Variants in RASGRP2 observed in about 807,000 individuals in gnomAD.
The protein encoded by RASGRP2 is RAS guanyl releasing protein 2, also known as RAS guanyl-releasing protein 2.
Under a neutral mutation model 71.0 loss-of-function variants are expected in RASGRP2, and 44 were observed. The ratio of observed to expected loss-of-function variants is 0.62; its 90% CI spans 0.49 to 0.80. RASGRP2 has a LOEUF of 0.80. Among genes scored for constraint, RASGRP2 ranks in the 30% least tolerant of loss-of-function variants. The probability of loss-of-function intolerance (pLI) is 0.00; values close to 1 mark genes in which losing one functional copy is unlikely to be tolerated. For missense variants in RASGRP2, 663 were observed against 813.4 expected (o/e 0.82, Z 2.25); for synonymous variants, 350 against 330.7 (o/e 1.06, Z -0.63).
Position 64,736,857 on chromosome 11 carries a change from C to T in RASGRP2, c.991G>A (p.Gly331Arg), listed in dbSNP as rs141060165. The part of the protein sequence containing the change: ...WLDPARTRLN[G>R]AKMKQLFSIL... ...CTAAAGAGCTGCTTCATCTTGGCCC[C>T]GTTGAGCCGGGTCCGGGCTGGGTCC... The change falls in exon 9 of 17, where the codon GGG becomes AGG. Residue 331 changes from glycine (G) to arginine (R), a missense_variant. Transcript: ENST00000394432. 371 of 1,613,632 alleles carry T rather than the reference C, an allele frequency of 2.3e-4. No homozygotes were observed. Among genetic ancestry groups the T allele is most frequent in the Admixed American group, 1.1e-3 (66 of 60,012 alleles).
At chr11:64,730,309 T>C in intron 12 of RASGRP2, 115 bp from the exon 13 acceptor site, 2 of 1,347,764 alleles carry the variant, frequency 1.5e-6, no homozygotes, top group South Asian at 2.6e-5. Context: ...TTTGGACTCC[T>C]GTTGCAGAGT....
Position 64,728,914 on chromosome 11 carries a change from C to A in RASGRP2, c.1720G>T (p.Ala574Ser). ...GGGCGGGGCAGAGAGAAGCTGAAGG[C>A]GCGGTGATGGTGGCTGTGCATGGGT... ...PSPMHSHHHR[A>S]FSFSLPRPGR... The change falls in exon 15 of 17, where the codon GCC (alanine) becomes TCC (serine). Residue 574 changes from alanine to serine, a missense_variant. By Grantham distance (99) the Ala-to-Ser change is moderately conservative (BLOSUM62 1). Coordinates refer to ENST00000394432, the MANE Select transcript of RASGRP2 (RefSeq NM_001098671.2). 1 of 1,613,126 alleles carries A rather than the reference C, an allele frequency of 6.2e-7. No individual in the cohort carries two copies. Among genetic ancestry groups the A allele is most frequent in the Non-Finnish European group, 8.5e-7 (1 of 1,179,980 alleles).
Position 64,744,031 on chromosome 11 carries a change from C to T in RASGRP2, c.-100G>A, listed in dbSNP as rs2058230032. ...GCTCGTCCACCCCAGAATGCAAACC[C>T]GCGGACGAGGTCGCCTCCTGGACGT... On this transcript the variant is annotated 5_prime_UTR_variant, in exon 1 of 17. Transcript: ENST00000394432. 2 of 988,046 alleles carry T rather than the reference C, an allele frequency of 2.0e-6. No individual in the cohort carries two copies. Among genetic ancestry groups the T allele is most frequent in the Non-Finnish European group, 1.2e-6 (1 of 830,904 alleles). 61.2% of individuals were successfully genotyped at this position (988,046 alleles called of 1,614,324 possible).
At chr11:64,731,022 G>T (rs2057748608) in intron 12 of RASGRP2, among the ~76,000 whole-genome samples, 1 of 152,142 alleles carries the variant, frequency 6.6e-6, no homozygotes, top group African/African-American at 2.4e-5. Context: ...GATCCAGGTG[G>T]TCCATCAAAT....
At position 64,739,406 on chromosome 11, in the gene RASGRP2, G is replaced by C. The variant is rs369137458; in HGVS notation, c.767C>G (p.Ser256Cys). The C allele has an allele frequency of 2.1e-5, 34 of 1,614,088 alleles. No homozygotes were observed. Among genetic ancestry groups the C allele is most frequent in the Non-Finnish European group, 2.6e-5 (31 of 1,180,054 alleles). The change falls in exon 8 of 17, where the codon TCC (serine) becomes TGC (cysteine). Residue 256 changes from serine (S) to cysteine (C), a missense_variant. Physicochemically the swap from Ser to Cys is moderately radical, Grantham distance 112. Coordinates refer to ENST00000394432, the MANE Select transcript of RASGRP2 (RefSeq NM_001098671.2). This position sits in a 1 kb window ranked among gnomAD's most constrained non-coding sequence, Gnocchi z 4.2. ...GTGGCTGTGGGTCTCCTTGAGGCGG[G>C]AGATGGAGCTGTGGCTCAGGCCCCC... ...VVGGLSHSSI[S>C]RLKETHSHVS...
Position 64,737,024 on chromosome 11 carries a change from C to A in RASGRP2, c.824G>T (p.Gly275Val), listed in dbSNP as rs756519568. ...TGTCGCCGTCACTAGTTCCGTGAGA[C>A]CCTCCCAGAGCTGGGGACAAAGGAC... is the stretch of plus-strand genomic sequence containing the variant. ...VSPETIKLWE[G>V]LTELVTATGN... is the part of the protein sequence containing the mutation. The change falls in exon 9 of 17, where the codon GGT becomes GTT. Residue 275 changes from glycine (G) to valine (V), a missense_variant. Transcript: ENST00000394432. 1.2e-6 allele frequency: 2 copies of A among 1,613,804 alleles called. No individual in the cohort carries two copies. The highest frequency in any genetic ancestry group is 2.2e-5 in the South Asian group (2 of 91,068).
At position 64,729,982 on chromosome 11, in the gene RASGRP2, G is replaced by A; in HGVS notation, c.1554+71C>T. 3 of 1,521,982 alleles carry A rather than the reference G, an allele frequency of 2.0e-6. No individual in the cohort carries two copies. The South Asian group carries it at 3.6e-5, about 19-fold the overall frequency. The allele number at this position is 1,521,982 out of a possible 1,614,324, so 94.3% of individuals were successfully genotyped here. On this transcript the variant is annotated intron_variant, in intron 13 of 16. Coordinates refer to ENST00000394432, the MANE Select transcript of RASGRP2 (RefSeq NM_001098671.2). ...TGAGAAGGGCTCTGGCAGAGGCGGG[G>A]CCAGAAGGGAGGGCGGGGCCGGGGC...
At chr11:64,744,781 G>T, upstream of RASGRP2, 1 of 149,688 alleles carries the variant, frequency 6.7e-6, no homozygotes, top group South Asian at 1.9e-4. Context: ...CGGCCTGGCC[G>T]ACCCCACCTC....
intron 12 of RASGRP2, 78 bp from the exon 13 acceptor site, chr11:64,730,272 TC>T (rs2057723843): frequency 6.6e-7 from 1 of 1,525,902 alleles, no homozygotes; most frequent in African/African-American, 1.4e-5. Flanking sequence ...ATCCCACTGT[TC>T]CCAGTGTCCT....
chr11:64,729,988 AG>A, intron 13 of RASGRP2, 64 bp downstream of exon 13: 1 of 1,438,132 alleles, frequency 7.0e-7, no homozygotes, highest in Non-Finnish European at 9.3e-7. Flanking sequence ...CGGGGCCAGA[AG>A]GGAGGGCGGG....
chr11:64,733,989 C>T (rs766578351), intron 12 of RASGRP2, among the ~76,000 whole-genome samples: 25 of 151,710 alleles, frequency 1.6e-4, no homozygotes, highest in Admixed American at 7.9e-4. Context: ...GTAGCTGGGA[C>T]TACAGGCACG....
In RASGRP2 at chr11:64,736,861, G is replaced by C. The variant is rs778380385; in HGVS notation, c.987C>G (p.Leu329=). 2.5e-6 allele frequency: 4 copies of C among 1,613,690 alleles called. No individual in the cohort carries two copies. The highest frequency in any genetic ancestry group is 2.5e-6 in the Non-Finnish European group (3 of 1,180,014). Residue 329 remains leucine (L), a synonymous_variant, in exon 9 of 17, where the codon CTC becomes CTG. Transcript: ENST00000394432. ...AGAGCTGCTTCATCTTGGCCCCGTT[G>C]AGCCGGGTCCGGGCTGGGTCCAGCC... is the stretch of plus-strand genomic sequence containing the variant. The part of the protein sequence containing the change: ...PDWLDPARTR[L]NGAKMKQLFS...
At chr11:64,734,555 A>G (rs1467018025) in intron 12 of RASGRP2, among the ~76,000 whole-genome samples, 1 of 152,122 alleles carries the variant, frequency 6.6e-6, no homozygotes, top group Non-Finnish European at 1.5e-5. Context: ...AAAACAACAG[A>G]TTTTTGAAAT....
chr11:64,735,422 C>T lies in RASGRP2; in HGVS notation c.1296+120G>A. On this transcript the variant is annotated intron_variant, in intron 11 of 16. Transcript: ENST00000394432. The surrounding 1 kb of genome is among the most constrained non-coding windows in gnomAD (Gnocchi z 4.2). The stretch of plus-strand genomic sequence containing the variant: ...GCCCCGTGCAGCTGGCCTGCCAGGC[C>T]CTGTGACTCCTAGGGGCTGAGTGCT... The T allele has an allele frequency of 6.4e-7, 1 of 1,566,412 alleles. No individual in the cohort carries two copies.
intron 5 of RASGRP2, chr11:64,740,733 G>C: frequency 4.3e-6 from 3 of 694,402 alleles, no homozygotes; most frequent in Non-Finnish European, 7.9e-6. Context: ...GCAGCTACAG[G>C]AGGAGGTGTG....
chr11:64,742,136 G>C lies in RASGRP2; in HGVS notation c.74-24C>G. The C allele has an allele frequency of 1.3e-6, 2 of 1,553,992 alleles. No individual in the cohort carries two copies. Among genetic ancestry groups the C allele is most frequent in the South Asian group, 2.4e-5 (2 of 84,952 alleles). On this transcript the variant is annotated intron_variant, in intron 2 of 16. Coordinates refer to ENST00000394432, the MANE Select transcript of RASGRP2 (RefSeq NM_001098671.2). This position sits in a 1 kb window ranked among gnomAD's most constrained non-coding sequence, Gnocchi z 4.7. ...ATCTGACTCCGAAGGGTCAAAGACA[G>C]GTGGCTGAGCTGGGTCCGCAGCTAC...
Position 64,742,996 on chromosome 11 carries a change from C to G in RASGRP2, c.-71-59G>C. ...AGTCGCGGGCGGGGGAGCGGCCCCG[C>G]GGGCAGAAACGGGGCGGGGCGGGCA... On this transcript the variant is annotated intron_variant, in intron 1 of 16. Coordinates refer to ENST00000394432, the MANE Select transcript of RASGRP2 (RefSeq NM_001098671.2). This position sits in a 1 kb window ranked among gnomAD's most constrained non-coding sequence, Gnocchi z 4.7. 1 of 1,490,344 alleles carries G rather than the reference C, an allele frequency of 6.7e-7. No individual in the cohort carries two copies. The highest frequency in any genetic ancestry group is 8.9e-7 in the Non-Finnish European group (1 of 1,118,220). The allele number at this position is 1,490,344 out of a possible 1,614,324, so 92.3% of individuals were successfully genotyped here.
At position 64,739,901 on chromosome 11, in the gene RASGRP2, A is replaced by G. The variant is rs2058065196; in HGVS notation, c.523-92T>C. 2 of 1,607,854 alleles carry G rather than the reference A, an allele frequency of 1.2e-6. No individual in the cohort carries two copies. Among genetic ancestry groups the G allele is most frequent in the South Asian group, 1.1e-5 (1 of 90,660 alleles). ...CCTCCAGCTGACCTTCAGTGGTTAC[A>G]CTGAAACCCCTGATGCACCCTGTGA... is the stretch of plus-strand genomic sequence containing the variant. On this transcript the variant is annotated intron_variant, in intron 6 of 16. Coordinates refer to ENST00000394432, the MANE Select transcript of RASGRP2 (RefSeq NM_001098671.2). The surrounding 1 kb of genome is among the most constrained non-coding windows in gnomAD (Gnocchi z 4.2).
Position 64,741,502 on chromosome 11 carries a change from G to T in RASGRP2, c.177-1C>A. ...GTTGTCCTTCCGGGATTGTTGGTAGGTGAAGGAGAGGGTTAAGGAGGCCGC... is the reference window on the plus strand; with the variant it reads ...GTTGTCCTTCCGGGATTGTTGGTAGTTGAAGGAGAGGGTTAAGGAGGCCGC... On this transcript the variant is annotated splice_acceptor_variant, in intron 3 of 16. Transcript: ENST00000394432. LOFTEE classifies it high-confidence loss of function. The T allele has an allele frequency of 6.3e-7, 1 of 1,577,886 alleles. No homozygotes were observed. The highest frequency in any genetic ancestry group is 8.6e-7 in the Non-Finnish European group (1 of 1,159,780).
Sources: allele counts gnomAD v4.1 joint callset (sites outside exome capture counted in the v4.1 genomes callset), GRCh38; gene constraint gnomAD v4.1.1; non-coding constraint Gnocchi (gnomAD v3.1); transcripts MANE v1.5; gene names NCBI Gene and HGNC (gene_info 2026-07-23, HGNC 2026-07-21).